Variants in DDX21 observed in about 807,000 individuals in gnomAD.
DDX21 encodes DExD-box helicase 21.
In DDX21, 18 loss-of-function variants were observed where a neutral mutation model predicts 90.0. The ratio of observed to expected loss-of-function variants is 0.20; its 90% CI spans 0.14 to 0.30. DDX21 has a LOEUF of 0.30. Ranked by LOEUF, DDX21 falls within the 10% of genes least tolerant of loss-of-function variation. The pLI is 1.00. For synonymous variants in DDX21, 294 were observed against 318.0 expected (o/e 0.92, Z 0.80); for missense variants, 673 against 944.5 (o/e 0.71, Z 3.77).
At chr10:68,974,831 A>T in intron 11 of DDX21, 88 bp downstream of exon 11, 1 of 1,218,738 alleles carries the variant, frequency 8.2e-7, no homozygotes, top group Admixed American at 2.6e-5. Context: ...GACTTAAAAA[A>T]ATTTTTTTTT....
intron 10 of DDX21, among the ~76,000 whole-genome samples, 198 bp from the exon 11 acceptor site, chr10:68,974,472 A>C (rs773734347): frequency 6.6e-6 from 1 of 152,254 alleles, no homozygotes; most frequent in Non-Finnish European, 1.5e-5. Flanking sequence ...ATACATTAAC[A>C]GTGTAAGATG....
Position 68,959,940 on chromosome 10 carries a change from C to T in DDX21, c.222C>T (p.Ser74=). The stretch of plus-strand genomic sequence containing the variant: ...AAGTTGACATGAATTCTCCTAAATC[C>T]AAAAAGGCAAAAAAGAAAGAGGAGC... ...PSEVDMNSPK[S]KKAKKKEEPS... The change falls in exon 2 of 15, where the codon TCC becomes TCT. Residue 74 remains serine (S), a synonymous_variant. Coordinates refer to ENST00000354185, the MANE Select transcript of DDX21 (RefSeq NM_004728.4). 6.2e-7 allele frequency: 1 copy of T among 1,609,480 alleles called. No individual in the cohort carries two copies. The highest frequency in any genetic ancestry group is 1.1e-5 in the South Asian group (1 of 89,236).
intron 13 of DDX21, among the ~76,000 whole-genome samples, chr10:68,979,904 C>G (rs1194175310): frequency 2.0e-5 from 3 of 152,140 alleles, no homozygotes; most frequent in Non-Finnish European, 4.4e-5. Flanking sequence ...CCCAGTACAC[C>G]ATGCTTTATC....
chr10:68,968,713 A>G (rs897343017), intron 6 of DDX21, among the ~76,000 whole-genome samples: 1 of 152,246 alleles, frequency 6.6e-6, no homozygotes, highest in Admixed American at 6.5e-5. Flanking sequence ...TTTCGTTTGT[A>G]ATTCAAAAGC....
chr10:68,967,214 A>G lies in DDX21; in HGVS notation c.1090+11A>G. On this transcript the variant is annotated intron_variant, in intron 6 of 14. Coordinates refer to ENST00000354185, the MANE Select transcript of DDX21 (RefSeq NM_004728.4). ...TGGCATACAAGAAAGGTAATCCACA[A>G]ATTCAAGAAGCTGATAAAAAAGACC... 2 of 1,603,700 alleles carry G rather than the reference A, an allele frequency of 1.2e-6. No individual in the cohort carries two copies. Among genetic ancestry groups the G allele is most frequent in the East Asian group, 2.2e-5 (1 of 44,568 alleles).
intron 1 of DDX21, among the ~76,000 whole-genome samples, chr10:68,957,503 T>C (rs1475643435): frequency 1.3e-5 from 2 of 152,326 alleles, no homozygotes; most frequent in South Asian, 4.1e-4. Flanking sequence ...TCTTTTGATA[T>C]GGAGTTCTTA....
chr10:68,977,067 C>T (rs1843111658), intron 11 of DDX21, among the ~76,000 whole-genome samples: 1 of 152,028 alleles, frequency 6.6e-6, no homozygotes, highest in Non-Finnish European at 1.5e-5. Flanking sequence ...TGTGCCACCA[C>T]ACCCAGCTTT....
rs2132083313 is a variant in DDX21 at position 68,965,253 on chromosome 10, T to A, written c.787-124T>A. The A allele has an allele frequency of 4.6e-6, 3 of 646,906 alleles. No individual in the cohort carries two copies. In the Admixed American group the frequency reaches 8.4e-5, roughly 18 times the overall value. The allele number at this position is 646,906 out of a possible 1,614,324, so 40.1% of individuals were successfully genotyped here. A position where few individuals can be genotyped will look rare whatever the true frequency, so the allele number is the denominator to read the frequency against. ...ATTAGACAAAAATATTAGATAATGT[T>A]ATCGTCATCATCAGCGTTAGACCTT... On this transcript the variant is annotated intron_variant, in intron 4 of 14. Transcript: ENST00000354185.
At position 68,985,019 on chromosome 10, in the gene DDX21, C is replaced by T. The variant is rs1183230672; in HGVS notation, c.*2207C>T. The T allele has an allele frequency of 6.6e-6, 1 of 151,970 alleles. No individual in the cohort carries two copies. Among genetic ancestry groups the T allele is most frequent in the Non-Finnish European group, 1.5e-5 (1 of 68,010 alleles). 9.4% of individuals were successfully genotyped at this position (151,970 alleles called of 1,614,324 possible). On this transcript the variant is annotated 3_prime_UTR_variant, in exon 15 of 15. Coordinates refer to ENST00000354185, the MANE Select transcript of DDX21 (RefSeq NM_004728.4). Reference sequence around the variant, plus strand: ...ATAAATGTTTTTACTATAAAATGAGCTAATGTATAAAATACTGCTGTATAC... The same window carrying T: ...ATAAATGTTTTTACTATAAAATGAGTTAATGTATAAAATACTGCTGTATAC...
intron 1 of DDX21, among the ~76,000 whole-genome samples, chr10:68,958,293 CAG>C (rs1375089862): frequency 6.6e-6 from 1 of 151,658 alleles, no homozygotes; most frequent in Non-Finnish European, 1.5e-5. Context: ...TTTGTAGAGA[CAG>C]AGTCTTACTG....
intron 3 of DDX21, among the ~76,000 whole-genome samples, chr10:68,962,898 C>T (rs889216156): frequency 2.0e-5 from 3 of 152,148 alleles, no homozygotes; most frequent in Admixed American, 6.6e-5. Context: ...GATGAGACTT[C>T]AAATATTTAC....
intron 13 of DDX21, among the ~76,000 whole-genome samples, chr10:68,980,736 A>G: frequency 6.6e-6 from 1 of 150,396 alleles, no homozygotes; most frequent in Non-Finnish European, 1.5e-5. Context: ...GCTAGGTGCC[A>G]TGGCTCACAC....
chr10:68,964,513 C>T (rs1360901048), intron 4 of DDX21, among the ~76,000 whole-genome samples: 1 of 152,154 alleles, frequency 6.6e-6, no homozygotes, highest in African/African-American at 2.4e-5. Context: ...CAGGCGTGTA[C>T]CACCATGCCT....
In DDX21 at chr10:68,962,127, A is replaced by C; in HGVS notation, c.577A>C (p.Ile193Leu). ...QKEGAFSNFP[I>L]SEETIKLLKG... ...AGAAGGCGCTTTCTCTAATTTTCCC[A>C]TATCTGAAGAAACTATTAAACTTCT... The change falls in exon 3 of 15, where the codon ATA becomes CTA. Residue 193 changes from isoleucine to leucine, a missense_variant. Coordinates refer to ENST00000354185, the MANE Select transcript of DDX21 (RefSeq NM_004728.4). The C allele has an allele frequency of 1.9e-6, 3 of 1,612,242 alleles. No individual in the cohort carries two copies. Among genetic ancestry groups the C allele is most frequent in the Non-Finnish European group, 2.5e-6 (3 of 1,178,778 alleles).
At chr10:68,975,247 C>T (rs970030724) in intron 11 of DDX21, among the ~76,000 whole-genome samples, 2 of 152,072 alleles carry the variant, frequency 1.3e-5, no homozygotes, top group African/African-American at 2.4e-5. Flanking sequence ...TTGATTGCTT[C>T]GTTAATAGTA....
rs559755860 is a variant in DDX21, at chr10:68,966,632, G to A, written c.905-386G>A. Among the ~76,000 whole-genome samples, 18 of 149,434 alleles carry A rather than the reference G, an allele frequency of 1.2e-4. No individual in the cohort carries two copies. The South Asian group carries it at 3.8e-3, about 32-fold the overall frequency. ...TAATTTTTGTAGTTTTAGTAAAGAT[G>A]GTGTTTCACCATGTTGGCCAGGCTG... On this transcript the variant is annotated intron_variant, in intron 5 of 14. Coordinates refer to ENST00000354185, the MANE Select transcript of DDX21 (RefSeq NM_004728.4).
At chr10:68,966,504 G>A (rs1589284892) in intron 5 of DDX21, among the ~76,000 whole-genome samples, 1 of 151,762 alleles carries the variant, frequency 6.6e-6, no homozygotes. Flanking sequence ...GTGCAGTGGC[G>A]TGATCTTGGC....
chr10:68,960,914 C>T (rs145772921), intron 2 of DDX21, among the ~76,000 whole-genome samples: 1 of 152,062 alleles, frequency 6.6e-6, no homozygotes, highest in East Asian at 1.9e-4. Flanking sequence ...GTAAATGGGC[C>T]CTAGTTTCCC....
chr10:68,974,930 G>A (rs1423870181), intron 11 of DDX21, among the ~76,000 whole-genome samples, 187 bp downstream of exon 11: 2 of 151,934 alleles, frequency 1.3e-5, no homozygotes, highest in African/African-American at 4.8e-5. Context: ...GCCTCCCAAA[G>A]TGCTAAGATT....
Sources: allele counts gnomAD v4.1 joint callset (sites outside exome capture counted in the v4.1 genomes callset), GRCh38; gene constraint gnomAD v4.1.1; transcripts MANE v1.5; gene names NCBI Gene and HGNC (gene_info 2026-07-23, HGNC 2026-07-21).